Variants in IFNG observed in about 807,000 individuals in gnomAD.
IFNG encodes the protein IFN-gamma.
A neutral mutation model predicts 14.4 loss-of-function variants in IFNG; 8 were observed. The ratio of observed to expected loss-of-function variants is 0.56; its 90% CI spans 0.33 to 1.00. IFNG has a LOEUF of 1.00. Ranked by LOEUF, IFNG falls within the 50% of genes least tolerant of loss-of-function variation. IFNG has a pLI of 0.03. For synonymous variants in IFNG, 73 were observed against 65.4 expected (o/e 1.12, Z -0.56); for missense variants, 132 against 194.9 (o/e 0.68, Z 1.92).
At chr12:68,159,431 G>A in intron 1 of IFNG, 71 bp downstream of exon 1, 1 of 720,586 alleles carries the variant, frequency 1.4e-6, no homozygotes, top group Non-Finnish European at 2.4e-6. Flanking sequence ...CAGCCTATCA[G>A]AGATGCTACA....
rs549776605 is a variant in IFNG at position 68,158,515 on chromosome 12, T to C, written c.115-256A>G. ...TCACAAATGAGCTCAACAAAGCTGA[T>C]ACTCCAAAGGTCCCAAAAACTATAG... On this transcript the variant is annotated intron_variant, in intron 1 of 3. Transcript: ENST00000229135. 3.9e-5 allele frequency among the ~76,000 whole-genome samples: 6 copies of C among 152,304 alleles called. No individual in the cohort carries two copies. The East Asian group carries it at 1.2e-3, about 29-fold the overall frequency.
intron 3 of IFNG, among the ~76,000 whole-genome samples, chr12:68,156,382 A>G (rs2069718): frequency 0.5 from 75,488 of 152,020 alleles, 19,711 homozygotes; most frequent in Middle Eastern, 0.63. Context: ...TGCTTCATAA[A>G]ATGTGGACCA....
In IFNG at chr12:68,158,171, A is replaced by G. The variant is rs1249873094; in HGVS notation, c.183+20T>C. The G allele has an allele frequency of 3.1e-6, 5 of 1,602,912 alleles. No homozygotes were observed. Among genetic ancestry groups the G allele is most frequent in the Non-Finnish European group, 4.3e-6 (5 of 1,175,168 alleles). On this transcript the variant is annotated intron_variant, in intron 2 of 3. Transcript: ENST00000229135. The stretch of plus-strand genomic sequence containing the variant: ...AAGCAAGCAACAGGAAAATTAGCCA[A>G]ATGGGAATATTCAGCTTACCTCTTT...
chr12:68,158,327 GT>G (rs1882633811), intron 1 of IFNG, 68 bp from the exon 2 acceptor site: 3 of 1,064,304 alleles, frequency 2.8e-6, no homozygotes, highest in Non-Finnish European at 2.7e-6. Context: ...TATATTTCAA[GT>G]TTCATTGAAC....
At position 68,159,590 on chromosome 12, in the gene IFNG, G is replaced by C; in HGVS notation, c.26C>G (p.Ala9Gly). The stretch of plus-strand genomic sequence containing the variant: ...ACCCAAAACGATGCAGAGCTGAAAA[G>C]CCAAGATATAACTTGTATATTTCAT... MKYTSYILAFQLCIVLGSL... is the reference protein window; with the variant it reads MKYTSYILGFQLCIVLGSL... The change falls in exon 1 of 4, where the codon GCT becomes GGT. Residue 9 changes from alanine (A) to glycine (G), a missense_variant. Transcript: ENST00000229135. 1 of 1,600,052 alleles carries C rather than the reference G, an allele frequency of 6.2e-7. No individual in the cohort carries two copies. Among genetic ancestry groups the C allele is most frequent in the Non-Finnish European group, 8.6e-7 (1 of 1,169,496 alleles).
intron 1 of IFNG, among the ~76,000 whole-genome samples, 178 bp downstream of exon 1, chr12:68,159,324 G>T (rs924455297): frequency 7.9e-5 from 12 of 152,100 alleles, no homozygotes; most frequent in Non-Finnish European, 1.5e-5. Flanking sequence ...TGAGCAGAAG[G>T]TTAAAACAAT....
In IFNG at chr12:68,159,693, C is replaced by T. The variant is rs1215318286; in HGVS notation, c.-78G>A. ...AGCTGATCAGGTCCAAAGGACTTAA[C>T]TGATCTTTCTCTTCTAATAGCTGAT... On this transcript the variant is annotated 5_prime_UTR_variant, in exon 1 of 4. Coordinates refer to ENST00000229135, the MANE Select transcript of IFNG (RefSeq NM_000619.3). 6.0e-6 allele frequency: 4 copies of T among 670,980 alleles called. No homozygotes were observed. The East Asian group carries it at 1.1e-4, about 18-fold the overall frequency. 41.6% of individuals were successfully genotyped at this position (670,980 alleles called of 1,614,324 possible). A position where few individuals can be genotyped will look rare whatever the true frequency, so the allele number is the denominator to read the frequency against.
rs1231240638 is a variant in IFNG, at chr12:68,155,337, G to A, written c.*16C>T. On this transcript the variant is annotated 3_prime_UTR_variant, in exon 4 of 4. Coordinates refer to ENST00000229135, the MANE Select transcript of IFNG (RefSeq NM_000619.3). Reference sequence around the variant, plus strand: ...GATTTAGATTTAAAATTCAAATATTGCAGGCAGGACAACCATTACTGGGAT... The same window carrying A: ...GATTTAGATTTAAAATTCAAATATTACAGGCAGGACAACCATTACTGGGAT... 2 of 1,558,098 alleles carry A rather than the reference G, an allele frequency of 1.3e-6. No homozygotes were observed. The highest frequency in any genetic ancestry group is 1.4e-5 in the African/African-American group (1 of 72,950).
chr12:68,156,314 G>A (rs1882600582), intron 3 of IFNG, among the ~76,000 whole-genome samples: 1 of 152,112 alleles, frequency 6.6e-6, no homozygotes, highest in Non-Finnish European at 1.5e-5. Context: ...TGCCTTCTAG[G>A]CAAGCAAATT....
chr12:68,155,272 A>G lies in IFNG; in HGVS notation c.*81T>C. On this transcript the variant is annotated 3_prime_UTR_variant, in exon 4 of 4. Transcript: ENST00000229135. ...ACTTATTTGATTGATGAGTCTAAAA[A>G]TATATTCCCCATATAAATAATGTTA... The G allele has an allele frequency of 9.7e-7, 1 of 1,028,860 alleles. No homozygotes were observed. The highest frequency in any genetic ancestry group is 1.3e-6 in the Non-Finnish European group (1 of 745,396). 63.7% of individuals were successfully genotyped at this position (1,028,860 alleles called of 1,614,324 possible).
Position 68,157,933 on chromosome 12 carries a change from C to T in IFNG, c.346G>A (p.Glu116Lys), listed in dbSNP as rs2120745297. 1.9e-6 allele frequency: 3 copies of T among 1,600,128 alleles called. No individual in the cohort carries two copies. Among genetic ancestry groups the T allele is most frequent in the Non-Finnish European group, 2.6e-6 (3 of 1,172,846 alleles). Residue 116 changes from glutamate (E) to lysine (K), a missense_variant, in exon 3 of 4, where the codon GAA becomes AAA. Coordinates refer to ENST00000229135, the MANE Select transcript of IFNG (RefSeq NM_000619.3). ...CTCACCGAATAATTAGTCAGCTTTT[C>T]GAAGTCATCTCGTTTCTTTTTGTTG... ...NSNKKKRDDFEKLTNYSVTDL... is the reference protein window; with the variant it reads ...NSNKKKRDDFKKLTNYSVTDL...
At chr12:68,157,436 G>C (rs1166169433) in intron 3 of IFNG, among the ~76,000 whole-genome samples, 1 of 152,160 alleles carries the variant, frequency 6.6e-6, no homozygotes, top group Non-Finnish European at 1.5e-5. Flanking sequence ...TTCCTTTTAA[G>C]ATGAGGAAAC....
rs1210244085 is a variant in IFNG, at chr12:68,159,676, A to G, written c.-61T>C. ...CAGTAGTTCTTGTATCAAGCTGATC[A>G]GGTCCAAAGGACTTAACTGATCTTT... On this transcript the variant is annotated 5_prime_UTR_variant, in exon 1 of 4. Transcript: ENST00000229135. 1.1e-5 allele frequency: 9 copies of G among 804,504 alleles called. No individual in the cohort carries two copies. The highest frequency in any genetic ancestry group is 1.7e-5 in the African/African-American group (1 of 58,564). The allele number at this position is 804,504 out of a possible 1,614,324, so 49.8% of individuals were successfully genotyped here.
rs772210071 is a variant in IFNG, at chr12:68,159,592, C to T, written c.24G>A (p.Leu8=). MKYTSYI[L]AFQLCIVLGS... ...CCAAAACGATGCAGAGCTGAAAAGC[C>T]AAGATATAACTTGTATATTTCATCG... The change falls in exon 1 of 4, where the codon TTG becomes TTA. Residue 8 remains leucine (L), a synonymous_variant. Coordinates refer to ENST00000229135, the MANE Select transcript of IFNG (RefSeq NM_000619.3). 54 of 1,596,726 alleles carry T rather than the reference C, an allele frequency of 3.4e-5. No individual in the cohort carries two copies. Among genetic ancestry groups the T allele is most frequent in the Non-Finnish European group, 4.4e-5 (51 of 1,166,672 alleles).
In IFNG at chr12:68,158,181, T is replaced by C; in HGVS notation, c.183+10A>G. 1 of 1,607,004 alleles carries C rather than the reference T, an allele frequency of 6.2e-7. No homozygotes were observed. ...CAGGAAAATTAGCCAAATGGGAATA[T>C]TCAGCTTACCTCTTTCCAATTCTTC... On this transcript the variant is annotated intron_variant, in intron 2 of 3. Transcript: ENST00000229135.
chr12:68,155,266 C>A lies in IFNG; in HGVS notation c.*87G>T. 1.0e-6 allele frequency: 1 copy of A among 958,592 alleles called. No homozygotes were observed. The highest frequency in any genetic ancestry group is 2.5e-5 in the South Asian group (1 of 40,308). The allele number at this position is 958,592 out of a possible 1,614,324, so 59.4% of individuals were successfully genotyped here. On this transcript the variant is annotated 3_prime_UTR_variant, in exon 4 of 4. Coordinates refer to ENST00000229135, the MANE Select transcript of IFNG (RefSeq NM_000619.3). ...ATAAATACTTATTTGATTGATGAGT[C>A]TAAAAATATATTCCCCATATAAATA...
chr12:68,155,266 C>T lies in IFNG; in HGVS notation c.*87G>A, dbSNP rs1308736911. 30 of 958,472 alleles carry T rather than the reference C, an allele frequency of 3.1e-5. No homozygotes were observed. Among genetic ancestry groups the T allele is most frequent in the Non-Finnish European group, 4.2e-5 (29 of 686,270 alleles). 59.4% of individuals were successfully genotyped at this position (958,472 alleles called of 1,614,324 possible). The stretch of plus-strand genomic sequence containing the variant: ...ATAAATACTTATTTGATTGATGAGT[C>T]TAAAAATATATTCCCCATATAAATA... On this transcript the variant is annotated 3_prime_UTR_variant, in exon 4 of 4. Coordinates refer to ENST00000229135, the MANE Select transcript of IFNG (RefSeq NM_000619.3).
At chr12:68,158,897 CA>C (rs1882643609) in intron 1 of IFNG, among the ~76,000 whole-genome samples, 1 of 152,042 alleles carries the variant, frequency 6.6e-6, no homozygotes, top group South Asian at 2.1e-4. Flanking sequence ...AAAAGAAACT[CA>C]AAAAATTCAC....
chr12:68,159,452 A>T, intron 1 of IFNG, 50 bp downstream of exon 1: 1 of 838,448 alleles, frequency 1.2e-6, no homozygotes, highest in Non-Finnish European at 2.0e-6. Context: ...GCAAGTCGAT[A>T]TTCAGTCATT....
Sources: allele counts gnomAD v4.1 joint callset (sites outside exome capture counted in the v4.1 genomes callset), GRCh38; gene constraint gnomAD v4.1.1; transcripts MANE v1.5; gene names NCBI Gene and HGNC (gene_info 2026-07-23, HGNC 2026-07-21).